FAM20C: variants seen among roughly 807,000 people sequenced by gnomAD.
FAM20C encodes FAM20C golgi associated secretory pathway kinase.
A neutral mutation model predicts 51.5 loss-of-function variants in FAM20C; 40 were observed. The ratio of observed to expected loss-of-function variants is 0.78; its 90% CI spans 0.60 to 1.01. The LOEUF (loss-of-function observed/expected upper bound fraction) is 1.01. Among genes scored for constraint, FAM20C ranks in the 50% least tolerant of loss-of-function variants. The pLI is 0.00. For synonymous variants in FAM20C, 406 were observed against 380.6 expected (o/e 1.07, Z -0.78); for missense variants, 861 against 844.7 (o/e 1.02, Z -0.24).
Position 258,356 on chromosome 7 carries a change from GCCTGAGGTGCTGGAGATGGGCA to G in FAM20C, c.1446-289_1446-268del, listed in dbSNP as rs1488662296. On this transcript the variant is annotated intron_variant, in intron 8 of 9. Coordinates refer to ENST00000313766, the MANE Select transcript of FAM20C (RefSeq NM_020223.4). ...TGGAGATGGGCAGGGTGGACCCACT[GCCTGAGGTGCTGGAGATGGGCA>G]GGGTGGACCCACTGCCCGGGATGCT... is the stretch of plus-strand genomic sequence containing the variant. Among the ~76,000 whole-genome samples the G allele has an allele frequency of 6.3e-5, 7 of 111,822 alleles. 2 individuals are homozygous for G. The highest frequency in any genetic ancestry group is 1.6e-4 in the Admixed American group (2 of 12,434). The allele number at this position is 111,822 out of a possible 152,430, so 73.4% of individuals were successfully genotyped here. A position where few individuals can be genotyped will look rare whatever the true frequency, so the allele number is the denominator to read the frequency against.
At chr7:194,778 CA>C (rs11357580) in intron 1 of FAM20C, among the ~76,000 whole-genome samples, 61,956 of 147,416 alleles carry the variant, frequency 0.42, 13,539 homozygotes, top group African/African-American at 0.54. Context: ...CCTAGCCCCC[CA>C]CCCCGCCCCC....
intron 9 of FAM20C, 38 bp from the exon 10 acceptor site, chr7:259,693 C>T (rs1265008068): frequency 1.3e-6 from 2 of 1,511,796 alleles, no homozygotes; most frequent in South Asian, 1.2e-5. Context: ...GGCATCTCCC[C>T]TGTCCCGTGC....
chr7:193,829 AC>A, intron 1 of FAM20C, 25 bp downstream of exon 1: 1 of 1,548,248 alleles, frequency 6.5e-7, no homozygotes, highest in East Asian at 2.5e-5. Context: ...GCAGGTGCCC[AC>A]CCCCAAGGGA....
At chr7:242,165 G>A (rs1787966928) in intron 3 of FAM20C, among the ~76,000 whole-genome samples, 1 of 152,070 alleles carries the variant, frequency 6.6e-6, no homozygotes, top group African/African-American at 2.4e-5. Context: ...GTGAGCTCCT[G>A]CAGTGTACCA....
chr7:255,949 C>T lies in FAM20C; in HGVS notation c.1173C>T (p.Phe391=). ...AGATCGAGGGCTCGCTGGCGGCCTT[C>T]CTGCCCGACCTGTCCCTGGCCAAGA... The part of the protein sequence containing the change: ...PDQIEGSLAA[F]LPDLSLAKRK... Residue 391 remains phenylalanine (F), a synonymous_variant, in exon 6 of 10, where the codon TTC becomes TTT. Coordinates refer to ENST00000313766, the MANE Select transcript of FAM20C (RefSeq NM_020223.4). 1 of 1,536,254 alleles carries T rather than the reference C, an allele frequency of 6.5e-7. No homozygotes were observed. Among genetic ancestry groups the T allele is most frequent in the Non-Finnish European group, 8.7e-7 (1 of 1,146,842 alleles).
intron 2 of FAM20C, among the ~76,000 whole-genome samples, chr7:196,522 G>A (rs1785881099): frequency 6.6e-6 from 1 of 152,326 alleles, no homozygotes; most frequent in Admixed American, 6.5e-5. Flanking sequence ...GGATTGCAGG[G>A]AGTGGGCCTG....
intron 2 of FAM20C, among the ~76,000 whole-genome samples, chr7:203,957 C>T (rs1276395217): frequency 1.3e-5 from 2 of 152,184 alleles, no homozygotes; most frequent in African/African-American, 4.8e-5. Flanking sequence ...ATTTTCTCAT[C>T]GTCACTTCGT....
intron 3 of FAM20C, chr7:229,634 CA>C (rs1214757868): frequency 6.6e-6 from 1 of 152,346 alleles, no homozygotes; most frequent in African/African-American, 2.4e-5. Context: ...GGGGCTGGAA[CA>C]AGTGACGCAG....
chr7:247,909 C>G (rs1319019913), intron 4 of FAM20C, among the ~76,000 whole-genome samples: 1 of 152,274 alleles, frequency 6.6e-6, no homozygotes, highest in African/African-American at 2.4e-5. Flanking sequence ...CCTCCGTCAG[C>G]AAGAAAAGCT....
intron 2 of FAM20C, among the ~76,000 whole-genome samples, chr7:205,054 G>A (rs892046448): frequency 6.6e-6 from 1 of 152,250 alleles, no homozygotes; most frequent in African/African-American, 2.4e-5. Flanking sequence ...CATTCTGCAG[G>A]AGCAGCCGAG....
At chr7:253,851 G>A (rs1249226816) in intron 5 of FAM20C, among the ~76,000 whole-genome samples, 1 of 152,236 alleles carries the variant, frequency 6.6e-6, no homozygotes, top group Non-Finnish European at 1.5e-5. Context: ...GAGGACGGGA[G>A]GCTGTTAACA....
Position 250,277 on chromosome 7 carries a change from G to A in FAM20C, c.1072+1847G>A, listed in dbSNP as rs574774192. ...CGAATCCATGATTTAATTAAGCTCC[G>A]TTCCGTCAGCCAGGGCTCACCGAGA... On this transcript the variant is annotated intron_variant, in intron 5 of 9. Transcript: ENST00000313766. 1.5e-4 allele frequency among the ~76,000 whole-genome samples: 22 copies of A among 151,568 alleles called. 1 individual carries two copies. In the South Asian group the frequency reaches 4.2e-3, roughly 29 times the overall value.
intron 2 of FAM20C, among the ~76,000 whole-genome samples, chr7:206,325 C>T (rs1412772269): frequency 6.6e-6 from 1 of 152,234 alleles, no homozygotes; most frequent in Non-Finnish European, 1.5e-5. Flanking sequence ...AGGGCAGCAA[C>T]AGCAGCCAGG....
At chr7:197,654 A>C (rs1785943043) in intron 2 of FAM20C, 1 of 152,462 alleles carries the variant, frequency 6.6e-6, no homozygotes, top group South Asian at 2.1e-4. Context: ...TCGTGTGCAC[A>C]GGCAGGGTCT....
chr7:258,769 A>G (rs1583348380), intron 9 of FAM20C, 64 bp downstream of exon 9: 3 of 1,443,406 alleles, frequency 2.1e-6, no homozygotes, highest in East Asian at 2.5e-5. Context: ...GAGACAGAGG[A>G]GGCCACAGCC....
At chr7:215,226 G>GCC (rs573529994) in intron 3 of FAM20C, among the ~76,000 whole-genome samples, 1,588 of 75,658 alleles carry the variant, frequency 0.021, 29 homozygotes, top group Non-Finnish European at 0.041. Flanking sequence ...AGAGGCTCCA[G>GCC]CTGGGGGGGG....
chr7:234,360 G>A (rs1050163469), intron 3 of FAM20C, among the ~76,000 whole-genome samples: 8 of 152,216 alleles, frequency 5.3e-5, no homozygotes, highest in African/African-American at 1.7e-4. Context: ...TGCTGCCCAC[G>A]ACTGAGGCTG....
chr7:212,280 T>C (rs1433904078), intron 3 of FAM20C, among the ~76,000 whole-genome samples: 1 of 152,166 alleles, frequency 6.6e-6, no homozygotes, highest in African/African-American at 2.4e-5. Flanking sequence ...CTGGCCAACA[T>C]GGTGAAACCC....
intron 3 of FAM20C, among the ~76,000 whole-genome samples, chr7:233,568 C>T (rs1169262346): frequency 1.3e-5 from 2 of 152,196 alleles, no homozygotes; most frequent in East Asian, 3.9e-4. Flanking sequence ...CGTGTCCTGG[C>T]CCTTCCGGCT....
Sources: allele counts gnomAD v4.1 joint callset (sites outside exome capture counted in the v4.1 genomes callset), GRCh38; gene constraint gnomAD v4.1.1; transcripts MANE v1.5; gene names NCBI Gene and HGNC (gene_info 2026-07-23, HGNC 2026-07-21).